CALN1: variants seen among roughly 807,000 people sequenced by gnomAD.
The protein encoded by CALN1 is calcium-binding protein 8.
A neutral mutation model predicts 30.6 loss-of-function variants in CALN1; 17 were observed. The ratio of observed to expected loss-of-function variants is 0.56; its 90% CI spans 0.38 to 0.83. The LOEUF (loss-of-function observed/expected upper bound fraction) is 0.83, where lower values mean the gene tolerates loss of function less well. CALN1 is among the 40% of genes least tolerant of loss of function. The pLI is 0.00. For synonymous variants in CALN1, 156 were observed against 131.4 expected (o/e 1.19, Z -1.28); for missense variants, 291 against 354.9 (o/e 0.82, Z 1.45).
At chr7:71,932,191 T>C (rs1350054192) in intron 5 of CALN1, among the ~76,000 whole-genome samples, 1 of 152,106 alleles carries the variant, frequency 6.6e-6, no homozygotes, top group Non-Finnish European at 1.5e-5. Flanking sequence ...ATAAATGTTT[T>C]ATTTATTTAT....
intron 2 of CALN1, among the ~76,000 whole-genome samples, chr7:72,303,980 T>C (rs2129555834): frequency 6.6e-6 from 1 of 152,332 alleles, no homozygotes; most frequent in East Asian, 1.9e-4. Flanking sequence ...ATCTTTGGTT[T>C]TGAATTTGAA....
chr7:72,180,102 G>A (rs200386819), intron 3 of CALN1, among the ~76,000 whole-genome samples: 3 of 152,226 alleles, frequency 2.0e-5, no homozygotes, highest in East Asian at 1.9e-4. Flanking sequence ...CGCAGAAACC[G>A]TGTCAGCTGT....
At chr7:72,352,555 A>G (rs1040045940) in intron 2 of CALN1, among the ~76,000 whole-genome samples, 2 of 152,172 alleles carry the variant, frequency 1.3e-5, no homozygotes, top group African/African-American at 4.8e-5. Flanking sequence ...GCGTATGTCA[A>G]AGAATAATCA....
At chr7:71,892,220 C>A (rs955783907) in intron 5 of CALN1, among the ~76,000 whole-genome samples, 1 of 152,158 alleles carries the variant, frequency 6.6e-6, no homozygotes, top group Non-Finnish European at 1.5e-5. Context: ...ATTTCTTTTA[C>A]CATGAATGAA....
At chr7:72,226,657 C>T (rs1793698555) in intron 3 of CALN1, among the ~76,000 whole-genome samples, 1 of 152,194 alleles carries the variant, frequency 6.6e-6, no homozygotes, top group South Asian at 2.1e-4. Flanking sequence ...AGAGGGCTGA[C>T]ATTATCCTAG....
chr7:72,457,970 G>C, the CALN1 span, among the ~76,000 whole-genome samples: 1 of 150,246 alleles, frequency 6.7e-6, no homozygotes, highest in South Asian at 2.1e-4. Context: ...TGCCCGGGCT[G>C]GTCTCAAATT....
chr7:72,236,847 T>C lies in CALN1; in HGVS notation c.244+41839A>G, dbSNP rs1232306198. Among the ~76,000 whole-genome samples, 6 of 152,352 alleles carry C rather than the reference T, an allele frequency of 3.9e-5. No individual in the cohort carries two copies. In the East Asian group the frequency reaches 9.6e-4, roughly 24 times the overall value. ...ATTATTATTTCATAAGCAATGTTCATGGTCTTTGGCCAAGGGATAGATTTG... is the reference window on the plus strand; with the variant it reads ...ATTATTATTTCATAAGCAATGTTCACGGTCTTTGGCCAAGGGATAGATTTG... On this transcript the variant is annotated intron_variant, in intron 3 of 6. Transcript: ENST00000395275.
intron 5 of CALN1, among the ~76,000 whole-genome samples, chr7:71,853,089 T>A (rs969240933): frequency 1.2e-4 from 18 of 152,100 alleles, no homozygotes; most frequent in African/African-American, 4.3e-4. Context: ...ATTTGCTTTT[T>A]TTTTTGAGAC....
chr7:72,466,549 G>C, the CALN1 span, among the ~76,000 whole-genome samples: 193 of 152,268 alleles, frequency 1.3e-3, 1 homozygote, highest in African/African-American at 4.2e-3. Flanking sequence ...TTTGAGACCA[G>C]CCTGGCCAAC....
At chr7:72,380,023 T>TA (rs1804793712) in intron 2 of CALN1, among the ~76,000 whole-genome samples, 1 of 152,220 alleles carries the variant, frequency 6.6e-6, no homozygotes, top group African/African-American at 2.4e-5. Context: ...GATGGAGAAG[T>TA]ATTATAAATA....
At position 72,272,137 on chromosome 7, in the gene CALN1, C is replaced by T. The variant is rs533573316; in HGVS notation, c.244+6549G>A. Among the ~76,000 whole-genome samples, 5 of 151,666 alleles carry T rather than the reference C, an allele frequency of 3.3e-5. No individual in the cohort carries two copies. The South Asian group carries it at 8.3e-4, about 25-fold the overall frequency. On this transcript the variant is annotated intron_variant, in intron 3 of 6. Transcript: ENST00000395275. ...AAACTGAGCTGCAGGAGAGCAGTGA[C>T]TCTGGAATAGTCAAAGTGACACTGG...
chr7:72,455,321 A>ATATGTGTGTG, the CALN1 span, among the ~76,000 whole-genome samples: 2 of 138,764 alleles, frequency 1.4e-5, no homozygotes, highest in Admixed American at 1.5e-4. Flanking sequence ...ATATATATAT[A>ATATGTGTGTG]TGTGTGTGTG....
chr7:71,858,479 T>C (rs1280148500), intron 5 of CALN1, among the ~76,000 whole-genome samples: 1 of 150,512 alleles, frequency 6.6e-6, no homozygotes, highest in Admixed American at 6.6e-5. Context: ...TCTGTTCCTA[T>C]ACAAGATAGC....
intron 3 of CALN1, among the ~76,000 whole-genome samples, chr7:72,159,837 A>G (rs1330152966): frequency 6.6e-6 from 1 of 152,108 alleles, no homozygotes. Flanking sequence ...GGTGCAAAAA[A>G]TATTTAGAAA....
chr7:71,978,490 G>A (rs1235441611), intron 5 of CALN1, among the ~76,000 whole-genome samples: 2 of 151,830 alleles, frequency 1.3e-5, no homozygotes, highest in Non-Finnish European at 2.9e-5. Flanking sequence ...TAGCCAGGAT[G>A]GTCTTGATCT....
chr7:72,048,413 G>A (rs1802619848), intron 4 of CALN1, among the ~76,000 whole-genome samples: 1 of 152,054 alleles, frequency 6.6e-6, no homozygotes, highest in Non-Finnish European at 1.5e-5. Context: ...TGTGAGTAGA[G>A]CAGCACCTGC....
At chr7:72,185,665 C>T (rs180755411) in intron 3 of CALN1, among the ~76,000 whole-genome samples, 26 of 152,278 alleles carry the variant, frequency 1.7e-4, no homozygotes, top group Admixed American at 1.4e-3. Flanking sequence ...ATAATTCCCA[C>T]GTGTTGTGGG....
At chr7:71,810,678 A>G (rs1360506600) in intron 5 of CALN1, among the ~76,000 whole-genome samples, 186 bp from the exon 6 acceptor site, 1 of 152,032 alleles carries the variant, frequency 6.6e-6, no homozygotes, top group Non-Finnish European at 1.5e-5. Flanking sequence ...GACTTATTGG[A>G]ATGATAGAGA....
At chr7:71,899,784 A>T (rs1006374923) in intron 5 of CALN1, among the ~76,000 whole-genome samples, 3 of 152,226 alleles carry the variant, frequency 2.0e-5, no homozygotes, top group Admixed American at 1.3e-4. Flanking sequence ...AAATGTCACC[A>T]TATGGATGCA....
Sources: allele counts gnomAD v4.1 joint callset (sites outside exome capture counted in the v4.1 genomes callset), GRCh38; gene constraint gnomAD v4.1.1; transcripts MANE v1.5; gene names NCBI Gene and HGNC (gene_info 2026-07-23, HGNC 2026-07-21).